Variants in KDM2A observed in about 807,000 individuals in gnomAD.
KDM2A encodes lysine demethylase 2A.
Under a neutral mutation model 137.3 loss-of-function variants are expected in KDM2A, and 3 were observed. The ratio of observed to expected loss-of-function variants is 0.02; its 90% confidence interval spans 0.01 to 0.06. The LOEUF is 0.06. Ranked by LOEUF, KDM2A falls within the 10% of genes least tolerant of loss-of-function variation. The probability of loss-of-function intolerance (pLI) is 1.00; values close to 1 mark genes in which losing one functional copy is unlikely to be tolerated. For missense variants in KDM2A, 738 were observed against 1,510.6 expected (o/e 0.49, Z 8.48); for synonymous variants, 512 against 541.5 (o/e 0.95, Z 0.76).
intron 2 of KDM2A, among the ~76,000 whole-genome samples, chr11:67,122,683 A>T (rs998488493): frequency 2.8e-5 from 4 of 144,576 alleles, no homozygotes; most frequent in Non-Finnish European, 6.1e-5. Context: ...TTATTTATTT[A>T]TTTATTTTTT....
At chr11:67,168,429 T>A (rs2136322903) in intron 2 of KDM2A, among the ~76,000 whole-genome samples, 2 of 152,222 alleles carry the variant, frequency 1.3e-5, no homozygotes, top group East Asian at 3.9e-4. Context: ...ATTTACATAT[T>A]TGTTGCCCCC....
chr11:67,181,630 T>C (rs1857093600), intron 4 of KDM2A, among the ~76,000 whole-genome samples: 1 of 151,880 alleles, frequency 6.6e-6, no homozygotes, highest in African/African-American at 2.4e-5. Context: ...TCTCCTGAAA[T>C]CTACCACCCT....
At chr11:67,181,103 A>G (rs971022295) in intron 3 of KDM2A, among the ~76,000 whole-genome samples, 2 of 152,026 alleles carry the variant, frequency 1.3e-5, no homozygotes, top group Non-Finnish European at 2.9e-5. Context: ...CTTGGAATAT[A>G]GACTTGGAAA....
At chr11:67,205,687 A>G (rs10896161) in intron 5 of KDM2A, among the ~76,000 whole-genome samples, 18,284 of 151,800 alleles carry the variant, frequency 0.12, 3,069 homozygotes, top group African/African-American at 0.38. Context: ...TTGCTATGTT[A>G]CCCAGGCTGG....
chr11:67,125,511 C>G (rs1855700681), intron 2 of KDM2A, among the ~76,000 whole-genome samples: 1 of 151,968 alleles, frequency 6.6e-6, no homozygotes, highest in Admixed American at 6.6e-5. Flanking sequence ...GTGGCTCACA[C>G]CTGAAATCCC....
At chr11:67,217,542 G>C (rs1413530565) in intron 8 of KDM2A, 189 bp from the exon 9 acceptor site, 18 of 600,208 alleles carry the variant, frequency 3.0e-5, no homozygotes, top group Non-Finnish European at 4.7e-5. Flanking sequence ...GTTGGATCAA[G>C]TGAAGGATAA....
intron 5 of KDM2A, chr11:67,196,112 G>C (rs1277868209): frequency 2.6e-6 from 1 of 387,436 alleles, no homozygotes; most frequent in Non-Finnish European, 5.2e-6. Flanking sequence ...GTCATAAATT[G>C]AGGAGCAACG....
Position 67,250,406 on chromosome 11 carries a change from C to A in KDM2A, c.2376C>A (p.Ala792=). The A allele has an allele frequency of 6.2e-7, 1 of 1,614,064 alleles. No homozygotes were observed. The highest frequency in any genetic ancestry group is 8.5e-7 in the Non-Finnish European group (1 of 1,179,910). ...GKKELSEVEK[A]KIRGSYLTVT... ...AGGAGCTGTCTGAAGTTGAGAAAGC[C>A]AAGATCCGGGGATCGTACCTCACTG... Residue 792 remains alanine, a synonymous_variant, in exon 17 of 21, where the codon GCC becomes GCA. Transcript: ENST00000529006. The surrounding 1 kb of genome is among the most constrained non-coding windows in gnomAD (Gnocchi z 7.1).
chr11:67,170,408 CTTTTTTT>C (rs923665021), intron 2 of KDM2A, among the ~76,000 whole-genome samples: 7 of 92,840 alleles, frequency 7.5e-5, no homozygotes, highest in South Asian at 7.0e-4. Context: ...TTCTTTCTTT[CTTTTTTT>C]TTTTTTTTTT....
intron 2 of KDM2A, among the ~76,000 whole-genome samples, chr11:67,138,846 G>T (rs1028113252): frequency 1.3e-5 from 2 of 152,282 alleles, no homozygotes; most frequent in Non-Finnish European, 2.9e-5. Flanking sequence ...CTGATAGATG[G>T]TAAAGTTTGA....
chr11:67,225,467 C>G (rs910778669), intron 10 of KDM2A, among the ~76,000 whole-genome samples: 8 of 151,454 alleles, frequency 5.3e-5, no homozygotes, highest in Non-Finnish European at 1.2e-4. Flanking sequence ...GAAACCCCGT[C>G]TCTACTAAAA....
intron 5 of KDM2A, chr11:67,195,645 ATTAG>A (rs1389141370): frequency 6.5e-6 from 1 of 154,440 alleles, no homozygotes; most frequent in East Asian, 1.9e-4. Context: ...TTTTATTTTT[ATTAG>A]TTGTTCATGC....
intron 11 of KDM2A, among the ~76,000 whole-genome samples, chr11:67,230,913 T>G (rs1195812019): frequency 6.6e-6 from 1 of 152,102 alleles, no homozygotes; most frequent in Non-Finnish European, 1.5e-5. Context: ...AGCTTGATTT[T>G]AAGACCAAAA....
chr11:67,141,392 C>T (rs910892980), intron 2 of KDM2A, among the ~76,000 whole-genome samples: 3 of 151,772 alleles, frequency 2.0e-5, no homozygotes, highest in African/African-American at 4.8e-5. Flanking sequence ...ATTGGCCGGG[C>T]GCGGTGGCTC....
chr11:67,254,459 C>T lies in KDM2A; in HGVS notation c.3307+41C>T. 3 of 1,535,570 alleles carry T rather than the reference C, an allele frequency of 2.0e-6. No individual in the cohort carries two copies. Among genetic ancestry groups the T allele is most frequent in the Non-Finnish European group, 2.7e-6 (3 of 1,111,048 alleles). On this transcript the variant is annotated intron_variant, in intron 20 of 20. Transcript: ENST00000529006. This position sits in a 1 kb window ranked among gnomAD's most constrained non-coding sequence, Gnocchi z 4.7. ...TGTTCATAATCAGCGGTGCCCCCTG[C>T]CTCCAGCCCTCCCTGGAACTTGATC...
At chr11:67,208,396 G>GGGCA (rs950878847) in intron 6 of KDM2A, among the ~76,000 whole-genome samples, 2 of 151,754 alleles carry the variant, frequency 1.3e-5, no homozygotes, top group African/African-American at 4.8e-5. Flanking sequence ...ATTTTATATA[G>GGGCA]GGCAGGATTA....
At chr11:67,234,529 A>AAT (rs1858810962) in intron 12 of KDM2A, among the ~76,000 whole-genome samples, 1 of 152,210 alleles carries the variant, frequency 6.6e-6, no homozygotes, top group Non-Finnish European at 1.5e-5. Flanking sequence ...CAAGTCATAG[A>AAT]ATATAGAGTT....
At position 67,119,754 on chromosome 11, in the gene KDM2A, C is replaced by CG. The variant is rs1296933641; in HGVS notation, c.-375dup. The CG allele has an allele frequency of 1.3e-5, 2 of 150,266 alleles. No homozygotes were observed. The highest frequency in any genetic ancestry group is 3.9e-4 in the East Asian group (2 of 5,120). The allele number at this position is 150,266 out of a possible 1,614,324, so 9.3% of individuals were successfully genotyped here. Reference sequence around the variant, plus strand: ...GCGCTCCCTGCGGCCGGGGCCGGCCCGGGGCTCGGGCCCGGGCTGCTGACC... The same window carrying CG: ...GCGCTCCCTGCGGCCGGGGCCGGCCCGGGGGCTCGGGCCCGGGCTGCTGACC... On this transcript the variant is annotated 5_prime_UTR_variant, in exon 1 of 21. Coordinates refer to ENST00000529006, the MANE Select transcript of KDM2A (RefSeq NM_012308.3).
chr11:67,228,495 A>G (rs1858612885), intron 11 of KDM2A, among the ~76,000 whole-genome samples: 1 of 151,990 alleles, frequency 6.6e-6, no homozygotes, highest in Admixed American at 6.6e-5. Flanking sequence ...AGTTAAGACC[A>G]GCCTGGGAAA....
Sources: allele counts gnomAD v4.1 joint callset (sites outside exome capture counted in the v4.1 genomes callset), GRCh38; gene constraint gnomAD v4.1.1; non-coding constraint Gnocchi (gnomAD v3.1); transcripts MANE v1.5; gene names NCBI Gene and HGNC (gene_info 2026-07-23, HGNC 2026-07-21).